Variants in YTHDF3 observed in about 807,000 individuals in gnomAD.
YTHDF3 encodes YTH domain-containing family protein 3.
In YTHDF3, 9 loss-of-function variants were observed where a neutral mutation model predicts 52.5. The ratio of observed to expected loss-of-function variants is 0.17; its 90% CI spans 0.10 to 0.30. YTHDF3 has a LOEUF of 0.30. YTHDF3 is among the 10% of genes least tolerant of loss of function. The pLI is 1.00. For synonymous variants in YTHDF3, 274 were observed against 243.3 expected, an observed-to-expected ratio of 1.13 and a Z score of -1.18; for missense variants, 534 against 715.0, an observed-to-expected ratio of 0.75 and a Z score of 2.89.
rs944643897 is a variant in YTHDF3 at position 63,211,191 on chromosome 8, A to G, written c.*1485A>G. ...CATTTATATAATTTTATTTTGTACA[A>G]TGTTTTTTTTAAATGTGCAAATACT... On this transcript the variant is annotated 3_prime_UTR_variant, in exon 5 of 5. Coordinates refer to ENST00000539294, the MANE Select transcript of YTHDF3 (RefSeq NM_152758.6). 12 of 152,444 alleles carry G rather than the reference A, an allele frequency of 7.9e-5. No homozygotes were observed. Among genetic ancestry groups the G allele is most frequent in the East Asian group, 1.9e-4 (1 of 5,194 alleles). 9.4% of individuals were successfully genotyped at this position (152,444 alleles called of 1,614,324 possible). A position where few individuals can be genotyped will look rare whatever the true frequency, so the allele number is the denominator to read the frequency against.
In YTHDF3 at chr8:63,211,232, A is replaced by G. The variant is rs1029251394; in HGVS notation, c.*1526A>G. ...TGCAAATACTGTATTCAAGTGAAAA[A>G]AATACAGTATTTGTAGATAACCATA... is the stretch of plus-strand genomic sequence containing the variant. On this transcript the variant is annotated 3_prime_UTR_variant, in exon 5 of 5. Transcript: ENST00000539294. 1 of 152,514 alleles carries G rather than the reference A, an allele frequency of 6.6e-6. No individual in the cohort carries two copies. Among genetic ancestry groups the G allele is most frequent in the Non-Finnish European group, 1.5e-5 (1 of 67,982 alleles). 9.4% of individuals were successfully genotyped at this position (152,514 alleles called of 1,614,324 possible). A position where few individuals can be genotyped will look rare whatever the true frequency, so the allele number is the denominator to read the frequency against.
At chr8:63,206,148 A>G (rs1810015926) in intron 4 of YTHDF3, among the ~76,000 whole-genome samples, 1 of 152,036 alleles carries the variant, frequency 6.6e-6, no homozygotes, top group South Asian at 2.1e-4. Context: ...ATCTTGGCTC[A>G]CTGCAACCTC....
At chr8:63,204,336 C>T (rs141811912) in intron 4 of YTHDF3, among the ~76,000 whole-genome samples, 114 of 150,252 alleles carry the variant, frequency 7.6e-4, no homozygotes, top group Admixed American at 3.1e-3. Flanking sequence ...AGATTCTTAG[C>T]TACAAATTTT....
chr8:63,186,517 G>C lies in YTHDF3; in HGVS notation c.506G>C (p.Gly169Ala), dbSNP rs1003733429. Residue 169 changes from glycine to alanine, a missense_variant, in exon 4 of 5, where the codon GGA becomes GCA. By Grantham distance (60) the Gly-to-Ala change is moderately conservative (BLOSUM62 0). Transcript: ENST00000539294. ...PSSLGRAITD[G>A]QAGFGNDTLS... ...TCTCTTGGGAGAGCTATTACTGATG[G>C]ACAGGCTGGATTTGGCAATGATACT... 5 of 1,613,880 alleles carry C rather than the reference G, an allele frequency of 3.1e-6. No individual in the cohort carries two copies. The African/African-American group carries it at 6.7e-5, about 22-fold the overall frequency.
chr8:63,176,473 G>T (rs1363101317), intron 3 of YTHDF3, among the ~76,000 whole-genome samples: 2 of 151,914 alleles, frequency 1.3e-5, no homozygotes, highest in Non-Finnish European at 2.9e-5. Context: ...GTAGAGACAG[G>T]GTTTCACCAT....
chr8:63,169,254 G>A (rs1456576540), intron 1 of YTHDF3, 133 bp from the exon 2 acceptor site: 15 of 1,322,550 alleles, frequency 1.1e-5, no homozygotes, highest in Non-Finnish European at 1.4e-5. Context: ...TGGTGGCTGT[G>A]GAGGATATGG....
chr8:63,175,217 C>T (rs1370967820), intron 2 of YTHDF3, 114 bp from the exon 3 acceptor site: 2 of 687,944 alleles, frequency 2.9e-6, no homozygotes, highest in African/African-American at 3.6e-5. Flanking sequence ...AAAAATAACT[C>T]AGTATTATTT....
intron 4 of YTHDF3, among the ~76,000 whole-genome samples, chr8:63,206,040 G>A (rs1386513978): frequency 6.6e-6 from 1 of 151,894 alleles, no homozygotes; most frequent in East Asian, 1.9e-4. Flanking sequence ...TCTTTATTTA[G>A]TTGTCTCATA....
intron 2 of YTHDF3, among the ~76,000 whole-genome samples, chr8:63,173,202 T>TA (rs1554533375): frequency 5.6e-5 from 7 of 125,886 alleles, no homozygotes; most frequent in East Asian, 5.3e-4. Context: ...AGGATTATAT[T>TA]TATATATATA....
rs1807854912 is a variant in YTHDF3, at chr8:63,178,536, A to G, written c.135+3120A>G. On this transcript the variant is annotated intron_variant, in intron 3 of 4. Coordinates refer to ENST00000539294, the MANE Select transcript of YTHDF3 (RefSeq NM_152758.6). ...AAATAGATTTGTTTTAACTCATGAT[A>G]TTTGGAATCAACATATTTGTATCCT... is the stretch of plus-strand genomic sequence containing the variant. Among the ~76,000 whole-genome samples, 5 of 152,322 alleles carry G rather than the reference A, an allele frequency of 3.3e-5. No individual in the cohort carries two copies. In the South Asian group the frequency reaches 1.0e-3, roughly 32 times the overall value.
chr8:63,205,944 C>T (rs1014916471), intron 4 of YTHDF3, among the ~76,000 whole-genome samples: 6 of 152,134 alleles, frequency 3.9e-5, no homozygotes, highest in Non-Finnish European at 8.8e-5. Context: ...GACTTTTTAC[C>T]ATGCACTGTG....
Position 63,187,736 on chromosome 8 carries a change from C to A in YTHDF3, c.1725C>A (p.Ala575=). 1 of 1,604,938 alleles carries A rather than the reference C, an allele frequency of 6.2e-7. No individual in the cohort carries two copies. The highest frequency in any genetic ancestry group is 1.7e-4 in the Middle Eastern group (1 of 6,000). Residue 575 remains alanine, a synonymous_variant, in exon 4 of 5, where the codon GCC becomes GCA. Coordinates refer to ENST00000539294, the MANE Select transcript of YTHDF3 (RefSeq NM_152758.6). The part of the protein sequence containing the change: ...HYEKRQEEEE[A]MRRERNRNKQ Reference sequence around the variant, plus strand: ...AAAAGCGTCAAGAAGAGGAGGAAGCCATGCGTAGGGTAAGAATATAGTAAT... The same window carrying A: ...AAAAGCGTCAAGAAGAGGAGGAAGCAATGCGTAGGGTAAGAATATAGTAAT...
chr8:63,182,619 C>G (rs1808215962), intron 3 of YTHDF3, among the ~76,000 whole-genome samples: 2 of 152,244 alleles, frequency 1.3e-5, no homozygotes, highest in Admixed American at 6.5e-5. Flanking sequence ...AAAGAATTAA[C>G]ATAAAAACTT....
chr8:63,206,020 C>T (rs1810005215), intron 4 of YTHDF3, among the ~76,000 whole-genome samples: 1 of 152,150 alleles, frequency 6.6e-6, no homozygotes, highest in South Asian at 2.1e-4. Flanking sequence ...ATCCAGTTGC[C>T]TATTTGACAT....
Position 63,186,323 on chromosome 8 carries a change from T to A in YTHDF3, c.312T>A (p.Gly104=), listed in dbSNP as rs773653096. The change falls in exon 4 of 5, where the codon GGT becomes GGA. Residue 104 remains glycine (G), a synonymous_variant. Transcript: ENST00000539294. Reference sequence around the variant, plus strand: ...GAGAACATCACTATATACCAGATGGTGTATTTAGTCAACCTGGGGCATTAG... The same window carrying A: ...GAGAACATCACTATATACCAGATGGAGTATTTAGTCAACCTGGGGCATTAG... ...SNGEHHYIPD[G]VFSQPGALGN... 1.1e-5 allele frequency: 17 copies of A among 1,613,996 alleles called. 1 individual carries two copies. In the South Asian group the frequency reaches 1.9e-4, roughly 18 times the overall value.
chr8:63,195,693 A>G (rs1389429812), intron 4 of YTHDF3, among the ~76,000 whole-genome samples: 27 of 151,910 alleles, frequency 1.8e-4, no homozygotes, highest in Admixed American at 1.8e-3. Context: ...CCAGGAGTTG[A>G]AGACTACCCT....
chr8:63,188,914 T>C (rs1808733299), intron 4 of YTHDF3: 1 of 151,554 alleles, frequency 6.6e-6, no homozygotes, highest in Non-Finnish European at 1.5e-5. Context: ...AGTTTCACCA[T>C]GTTGGCCAGG....
intron 4 of YTHDF3, among the ~76,000 whole-genome samples, chr8:63,189,911 G>A (rs77695966): frequency 0.013 from 1,925 of 152,268 alleles, 35 homozygotes; most frequent in African/African-American, 0.043. Context: ...GAATATAATT[G>A]TGTTTTCTCC....
rs115567719 is a variant in YTHDF3 at position 63,204,724 on chromosome 8, C to T, written c.1735-4959C>T. ...TCTTTTTTCAGATGTTCACTGCCTT[C>T]TTCGGCAGTTCTGTTTTATTGTTAT... On this transcript the variant is annotated intron_variant, in intron 4 of 4. Transcript: ENST00000539294. 6.2e-3 allele frequency among the ~76,000 whole-genome samples: 941 copies of T among 152,246 alleles called. 14 individuals are homozygous for T. The highest frequency in any genetic ancestry group is 0.022 in the African/African-American group (909 of 41,544).
Sources: allele counts gnomAD v4.1 joint callset (sites outside exome capture counted in the v4.1 genomes callset), GRCh38; gene constraint gnomAD v4.1.1; transcripts MANE v1.5; gene names NCBI Gene and HGNC (gene_info 2026-07-23, HGNC 2026-07-21).